The following KIAA2012 variants were observed in gnomAD, a reference collection of about 807,000 sequenced individuals.
KIAA2012 encodes the protein KIAA2012, also known as uncharacterized protein KIAA2012.
In KIAA2012, 125 loss-of-function variants were observed where a neutral mutation model predicts 150.6. The observed-to-expected ratio is 0.83, with a 90% CI of 0.72 to 0.96. The LOEUF is 0.96. Ranked by LOEUF, KIAA2012 falls within the 40% of genes least tolerant of loss-of-function variation. The pLI is 0.00. For synonymous variants in KIAA2012, 462 were observed against 504.7 expected (o/e 0.92, Z 1.13); for missense variants, 1,219 against 1,354.9 (o/e 0.90, Z 1.57).
chr2:202,148,051 T>C (rs1285940175), intron 13 of KIAA2012, among the ~76,000 whole-genome samples: 1 of 152,234 alleles, frequency 6.6e-6, no homozygotes. Context: ...GATTCTGTTG[T>C]ATCAACAAAG....
At chr2:202,140,560 T>C (rs1197822694) in intron 13 of KIAA2012, among the ~76,000 whole-genome samples, 3 of 152,008 alleles carry the variant, frequency 2.0e-5, no homozygotes, top group Non-Finnish European at 2.9e-5. Flanking sequence ...GGGAGGGAGG[T>C]GGGGGTGACT....
intron 14 of KIAA2012, 86 bp downstream of exon 14, chr2:202,154,896 G>A: frequency 7.2e-7 from 1 of 1,395,774 alleles, no homozygotes; most frequent in Non-Finnish European, 9.4e-7. Flanking sequence ...TACAAAAACA[G>A]CTTCAGAAGT....
intron 1 of KIAA2012, 138 bp downstream of exon 1, chr2:202,073,849 C>T: frequency 1.5e-6 from 1 of 674,760 alleles, no homozygotes; most frequent in Non-Finnish European, 2.5e-6. Flanking sequence ...ATCTTCCTTC[C>T]TCCTTCATGA....
At chr2:202,112,322 GC>G (rs1690383790) in intron 10 of KIAA2012, among the ~76,000 whole-genome samples, 2 of 152,216 alleles carry the variant, frequency 1.3e-5, no homozygotes, top group African/African-American at 4.8e-5. Flanking sequence ...TGGGAGGGCA[GC>G]AGGCCCAGAG....
chr2:202,109,518 A>T, intron 9 of KIAA2012, 95 bp from the exon 10 acceptor site: 1 of 1,098,260 alleles, frequency 9.1e-7, no homozygotes, highest in East Asian at 2.6e-5. Context: ...CAGTCTTCAC[A>T]CAGAGGTCCT....
chr2:202,157,418 C>T (rs1691552352), intron 14 of KIAA2012, among the ~76,000 whole-genome samples: 1 of 152,156 alleles, frequency 6.6e-6, no homozygotes, highest in South Asian at 2.1e-4. Context: ...GCATGTCATT[C>T]ATTTTTGCCT....
In KIAA2012 at chr2:202,100,413, C is replaced by T. The variant is rs1487387605; in HGVS notation, c.1119C>T (p.Ser373=). The change falls in exon 7 of 24, where the codon TCC becomes TCT. Residue 373 remains serine, a synonymous_variant. Coordinates refer to ENST00000498697, the MANE Select transcript of KIAA2012 (RefSeq NM_001277372.4). ...LFPPVASATG[S]RIITPGEVKK... ...CTCCTGTAGCATCTGCCACTGGCTCCAGAATAATCACCCCTGGGGAAGTGA... is the reference window on the plus strand; with the variant it reads ...CTCCTGTAGCATCTGCCACTGGCTCTAGAATAATCACCCCTGGGGAAGTGA... 6.4e-7 allele frequency: 1 copy of T among 1,550,504 alleles called. No individual in the cohort carries two copies. Among genetic ancestry groups the T allele is most frequent in the Admixed American group, 2.0e-5 (1 of 50,990 alleles).
intron 14 of KIAA2012, among the ~76,000 whole-genome samples, chr2:202,160,156 A>T (rs1015356941): frequency 1.3e-5 from 2 of 152,070 alleles, no homozygotes; most frequent in Non-Finnish European, 2.9e-5. Context: ...TCCCCACAAT[A>T]TCAGAGATCT....
chr2:202,201,875 T>G lies in KIAA2012; in HGVS notation c.3408-554T>G, dbSNP rs907795733. 3.9e-5 allele frequency: 46 copies of G among 1,191,946 alleles called. No homozygotes were observed. In the African/African-American group the frequency reaches 6.9e-4, roughly 18 times the overall value. 73.8% of individuals were successfully genotyped at this position (1,191,946 alleles called of 1,614,324 possible). On this transcript the variant is annotated intron_variant, in intron 22 of 23. Transcript: ENST00000498697. ...AGGTTGGCTGTGTTGGATATTGACC[T>G]TTGCTGTTCATGGTGGCTGCAGGTC...
rs566645178 is a variant in KIAA2012 at position 202,109,742 on chromosome 2, G to A, written c.1604G>A (p.Ser535Asn). Residue 535 changes from serine (S) to asparagine (N), a missense_variant, in exon 10 of 24, where the codon AGT (serine) becomes AAT (asparagine). Transcript: ENST00000498697. ...PRTSDHNSPPSLPNMRVPRRA... is the reference protein window; with the variant it reads ...PRTSDHNSPPNLPNMRVPRRA... ...ACATCAGACCACAACAGCCCCCCAAGTCTCCCGAACATGAGAGTGCCCAGG... is the reference window on the plus strand; with the variant it reads ...ACATCAGACCACAACAGCCCCCCAAATCTCCCGAACATGAGAGTGCCCAGG... 2.6e-4 allele frequency: 410 copies of A among 1,550,276 alleles called. 2 individuals carry two copies. The African/African-American group carries it at 5.2e-3, about 20-fold the overall frequency.
chr2:202,179,527 C>A, intron 15 of KIAA2012: 2 of 696,236 alleles, frequency 2.9e-6, no homozygotes, highest in African/African-American at 1.8e-5. Context: ...TGTACAGTGG[C>A]GTGGGCCCAG....
rs537022596 is a variant in KIAA2012 at position 202,104,937 on chromosome 2, G to C, written c.1325-824G>C. Among the ~76,000 whole-genome samples, 137 of 152,256 alleles carry C rather than the reference G, an allele frequency of 9.0e-4. 1 individual carries two copies. Among genetic ancestry groups the C allele is most frequent in the African/African-American group, 2.9e-3 (122 of 41,546 alleles). ...ATAGGAAGGTGAGGAAAACCACCAG[G>C]CCATCATGAACCAGATTCTTAAAGC... On this transcript the variant is annotated intron_variant, in intron 8 of 23. Coordinates refer to ENST00000498697, the MANE Select transcript of KIAA2012 (RefSeq NM_001277372.4). This position sits in a 1 kb window ranked among gnomAD's most constrained non-coding sequence, Gnocchi z 4.3.
chr2:202,170,595 G>A (rs985215617), intron 15 of KIAA2012, among the ~76,000 whole-genome samples: 1 of 152,264 alleles, frequency 6.6e-6, no homozygotes, highest in African/African-American at 2.4e-5. Context: ...GGAGGAAACA[G>A]ATATGTGTGC....
chr2:202,123,421 A>G (rs1690704050), intron 11 of KIAA2012, among the ~76,000 whole-genome samples: 1 of 152,166 alleles, frequency 6.6e-6, no homozygotes, highest in South Asian at 2.1e-4. Flanking sequence ...CCCATTCTCC[A>G]GAGCATCTAT....
chr2:202,100,148 C>A (rs996897927), intron 6 of KIAA2012, among the ~76,000 whole-genome samples, 159 bp from the exon 7 acceptor site: 1 of 152,216 alleles, frequency 6.6e-6, no homozygotes, highest in Non-Finnish European at 1.5e-5. Context: ...GAGACTGGGG[C>A]TCTCTGAACC....
At chr2:202,184,604 A>C (rs899279478) in intron 15 of KIAA2012, 149 bp from the exon 16 acceptor site, 11 of 474,010 alleles carry the variant, frequency 2.3e-5, no homozygotes, top group African/African-American at 2.0e-4. Flanking sequence ...TGGTTTCTGA[A>C]GTATTTGCTA....
Position 202,073,441 on chromosome 2 carries a change from G to A in KIAA2012, c.-187G>A. ...TTTTCTCTCCACAAAGACACACACT[G>A]TCTAAACTGTGTGGCTGGTTGTTAC... On this transcript the variant is annotated 5_prime_UTR_variant, in exon 1 of 24. Transcript: ENST00000498697. 3.4e-6 allele frequency: 2 copies of A among 587,756 alleles called. No individual in the cohort carries two copies. The highest frequency in any genetic ancestry group is 4.3e-5 in the South Asian group (2 of 47,042). 36.4% of individuals were successfully genotyped at this position (587,756 alleles called of 1,614,324 possible).
In KIAA2012 at chr2:202,096,935, T is replaced by G. The variant is rs1575008413; in HGVS notation, c.686-500T>G. ...GAGCTAAACAGCAGTCTTACCTCAG[T>G]GCATTCGGCAGAGGCTTTTCCACAA... On this transcript the variant is annotated intron_variant, in intron 4 of 23. Transcript: ENST00000498697. Among the ~76,000 whole-genome samples, 5 of 152,258 alleles carry G rather than the reference T, an allele frequency of 3.3e-5. No individual in the cohort carries two copies. In the East Asian group the frequency reaches 9.7e-4, roughly 29 times the overall value.
intron 15 of KIAA2012, chr2:202,179,978 T>G (rs553127557): frequency 1.4e-6 from 1 of 714,736 alleles, no homozygotes; most frequent in South Asian, 1.4e-5. Context: ...TAAGATTACT[T>G]GGCTGCCAGC....
Sources: gnomAD v4.1 joint callset for allele counts (sites outside exome capture counted in the v4.1 genomes callset) on GRCh38, gnomAD v4.1.1 for gene constraint, Gnocchi (gnomAD v3.1) non-coding constraint, MANE v1.5 for transcripts, NCBI Gene and HGNC (gene_info 2026-07-23, HGNC 2026-07-21) for gene names.